The following P2RY10 variants were observed in gnomAD, a reference collection of about 807,000 sequenced individuals.
P2RY10 encodes the protein putative P2Y purinoceptor 10.
P2RY10 carries 4 observed loss-of-function variants against 12.1 expected under a neutral mutation model. That is an observed-to-expected ratio of 0.33 (90% CI 0.16 to 0.76). P2RY10 has a LOEUF of 0.76. P2RY10 is among the 30% of genes least tolerant of loss of function. The probability of loss-of-function intolerance (pLI) is 0.61; values close to 1 mark genes in which losing one functional copy is unlikely to be tolerated. For synonymous variants in P2RY10, 112 were observed against 94.1 expected, an observed-to-expected ratio of 1.19 and a Z score of -1.10; for missense variants, 233 against 264.6, an observed-to-expected ratio of 0.88 and a Z score of 0.83.
At chrX:78,957,985 T>C (rs1216486572) in intron 3 of P2RY10, among the ~76,000 whole-genome samples, 1 of 112,117 alleles carries the variant, frequency 8.9e-6, no homozygotes, top group African/African-American at 3.2e-5. Context: ...TTATGAACAA[T>C]TCTTAGTTAT....
intron 3 of P2RY10, among the ~76,000 whole-genome samples, chrX:78,957,871 A>C (rs930351487): frequency 8.9e-6 from 1 of 112,570 alleles, no homozygotes; most frequent in Non-Finnish European, 1.9e-5. Flanking sequence ...GTGTGAACAG[A>C]ACATGCCCAT....
In P2RY10 at chrX:78,961,462, C is replaced by A; in HGVS notation, c.942C>A (p.Asp314Glu). 8.3e-7 allele frequency: 1 copy of A among 1,210,517 alleles called. No homozygotes were observed. Among genetic ancestry groups the A allele is most frequent in the Non-Finnish European group, 1.1e-6 (1 of 894,738 alleles). The change falls in exon 4 of 4, where the codon GAC becomes GAA. Residue 314 changes from aspartate (D) to glutamate (E), a missense_variant. By Grantham distance (45) the Asp-to-Glu change is conservative. Coordinates refer to ENST00000171757, the MANE Select transcript of P2RY10 (RefSeq NM_014499.4). ...LYYFMASEFR[D>E]QLSRHGSSVT... ...ACTTTATGGCTTCAGAGTTTCGTGA[C>A]CAACTATCCCGCCATGGCAGTTCTG...
rs73231521 is a variant in P2RY10 at position 78,957,663 on chromosome X, A to G, written c.-13-2845A>G. ...AATGGTCACTAAGAAGATTTGGGGGAAAAAAAGCCCTTCTTACCTTCCCTT... is the reference window on the plus strand; with the variant it reads ...AATGGTCACTAAGAAGATTTGGGGGGAAAAAAGCCCTTCTTACCTTCCCTT... On this transcript the variant is annotated intron_variant, in intron 3 of 3. Coordinates refer to ENST00000171757, the MANE Select transcript of P2RY10 (RefSeq NM_014499.4). 8.4e-3 allele frequency among the ~76,000 whole-genome samples: 931 copies of G among 111,352 alleles called. 5 individuals carry two copies. Among genetic ancestry groups the G allele is most frequent in the Middle Eastern group, 0.014 (3 of 218 alleles).
rs377090188 is a variant in P2RY10, at chrX:78,961,362, G to A, written c.842G>A (p.Arg281Gln). ...ATCATTAGCAGTTGTCCCGTTGTCC[G>A]AATCGCACTGTATTTCCACCCTTTT... ...ETIISSCPVV[R>Q]IALYFHPFCL... The change falls in exon 4 of 4, where the codon CGA becomes CAA. Residue 281 changes from arginine (R) to glutamine (Q), a missense_variant. Coordinates refer to ENST00000171757, the MANE Select transcript of P2RY10 (RefSeq NM_014499.4). The A allele has an allele frequency of 5.1e-5, 62 of 1,209,190 alleles. No homozygotes were observed. The South Asian group carries it at 7.8e-4, about 15-fold the overall frequency.
intron 2 of P2RY10, among the ~76,000 whole-genome samples, chrX:78,949,874 G>GAACA (rs1249761431): frequency 1.8e-5 from 2 of 111,603 alleles, no homozygotes; most frequent in African/African-American, 6.5e-5. Context: ...GCTGAATGAA[G>GAACA]AACACCGGGG....
At chrX:78,946,542 T>A (rs1025665135) in intron 1 of P2RY10, among the ~76,000 whole-genome samples, 2 of 112,129 alleles carry the variant, frequency 1.8e-5, no homozygotes, top group African/African-American at 6.5e-5. Context: ...CCAAGAATCC[T>A]GCAAGTGAGA....
intron 3 of P2RY10, among the ~76,000 whole-genome samples, chrX:78,952,826 C>T (rs943760958): frequency 3.6e-5 from 4 of 111,608 alleles, no homozygotes; most frequent in African/African-American, 6.5e-5. Flanking sequence ...TTCTTCTCAC[C>T]TAATAATCTC....
At chrX:78,959,516 C>T (rs939345026) in intron 3 of P2RY10, among the ~76,000 whole-genome samples, 1 of 111,573 alleles carries the variant, frequency 9.0e-6, no homozygotes, top group African/African-American at 3.3e-5. Context: ...TAATATAACA[C>T]ATAATAAAAA....
intron 3 of P2RY10, among the ~76,000 whole-genome samples, chrX:78,957,207 T>C (rs1922371452): frequency 9.1e-6 from 1 of 109,373 alleles, no homozygotes; most frequent in African/African-American, 3.3e-5. Flanking sequence ...AAGCACAGAT[T>C]CAGGAATGAA....
At chrX:78,951,554 G>T (rs1019604097) in intron 2 of P2RY10, among the ~76,000 whole-genome samples, 2 of 111,178 alleles carry the variant, frequency 1.8e-5, no homozygotes, top group East Asian at 5.6e-4. Flanking sequence ...AAGAAGAGGG[G>T]AGTGAGAGTA....
chrX:78,954,444 C>A (rs946084517), intron 3 of P2RY10, among the ~76,000 whole-genome samples: 4 of 111,286 alleles, frequency 3.6e-5, no homozygotes, highest in African/African-American at 1.3e-4. Context: ...ACTTTGGAAA[C>A]CTTGGATGTT....
chrX:78,960,981 C>T lies in P2RY10; in HGVS notation c.461C>T (p.Ala154Val), dbSNP rs1283043026. 4 of 1,209,585 alleles carry T rather than the reference C, an allele frequency of 3.3e-6. No homozygotes were observed. Among genetic ancestry groups the T allele is most frequent in the South Asian group, 1.8e-5 (1 of 56,815 alleles). The change falls in exon 4 of 4, where the codon GCT (alanine) becomes GTT (valine). Residue 154 changes from alanine (A) to valine (V), a missense_variant. Ala to Val is a moderately conservative substitution (Grantham distance 64). Coordinates refer to ENST00000171757, the MANE Select transcript of P2RY10 (RefSeq NM_014499.4). ...WKRRYDVGIS[A>V]AIWIVVGTAC... ...CGTAGGTACGATGTGGGCATCAGTGCTGCCATCTGGATCGTTGTGGGGACT... is the reference window on the plus strand; with the variant it reads ...CGTAGGTACGATGTGGGCATCAGTGTTGCCATCTGGATCGTTGTGGGGACT...
rs1014877566 is a variant in P2RY10 at position 78,963,199 on chromosome X, T to C, written c.*1659T>C. 1.8e-5 allele frequency among the ~76,000 whole-genome samples: 2 copies of C among 111,970 alleles called. No individual in the cohort carries two copies. The highest frequency in any genetic ancestry group is 3.8e-5 in the Non-Finnish European group (2 of 53,199). On this transcript the variant is annotated 3_prime_UTR_variant, in exon 4 of 4. Transcript: ENST00000171757. ...GAAGGGAGGAGAAAGGAAGTAGTAG[T>C]TCTGAGAATATTCATTTGAACAGAG...
At chrX:78,946,371 C>A (rs1381761797) in intron 1 of P2RY10, among the ~76,000 whole-genome samples, 1 of 111,365 alleles carries the variant, frequency 9.0e-6, no homozygotes, top group African/African-American at 3.3e-5. Flanking sequence ...ACTCTGAATA[C>A]TAGCACCTCT....
Position 78,960,997 on chromosome X carries a change from T to G in P2RY10, c.477T>G (p.Val159=), listed in dbSNP as rs1922587115. 1.7e-6 allele frequency: 2 copies of G among 1,211,564 alleles called. No homozygotes were observed. The highest frequency in any genetic ancestry group is 5.9e-5 in the East Asian group (2 of 33,832). Residue 159 remains valine (V), a synonymous_variant, in exon 4 of 4, where the codon GTT becomes GTG. Transcript: ENST00000171757. The part of the protein sequence containing the change: ...DVGISAAIWI[V]VGTACLPFPI... ...GCATCAGTGCTGCCATCTGGATCGT[T>G]GTGGGGACTGCCTGTTTGCCATTTC...
intron 3 of P2RY10, among the ~76,000 whole-genome samples, chrX:78,957,889 G>C (rs1160552592): frequency 8.9e-6 from 1 of 112,525 alleles, no homozygotes; most frequent in Non-Finnish European, 1.9e-5. Context: ...CATTTTGTAA[G>C]TGAAACTTTC....
chrX:78,954,536 AC>A (rs749068063), intron 3 of P2RY10, among the ~76,000 whole-genome samples: 24 of 112,332 alleles, frequency 2.1e-4, no homozygotes, highest in Admixed American at 3.8e-4. Flanking sequence ...TAAAAAATTG[AC>A]TTCCAATCTT....
rs1390455168 is a variant in P2RY10, at chrX:78,961,562, A to G, written c.*22A>G. 5 of 1,104,468 alleles carry G rather than the reference A, an allele frequency of 4.5e-6. No individual in the cohort carries two copies. In the Admixed American group the frequency reaches 1.2e-4, roughly 27 times the overall value. 91.0% of individuals were successfully genotyped at this position (1,104,468 alleles called of 1,213,427 possible). A position where few individuals can be genotyped will look rare whatever the true frequency, so the allele number is the denominator to read the frequency against. On this transcript the variant is annotated 3_prime_UTR_variant, in exon 4 of 4. Coordinates refer to ENST00000171757, the MANE Select transcript of P2RY10 (RefSeq NM_014499.4). ...CTAAAATTAAGATATCTCTTTAATT[A>G]CGCCTTTGTTTACCTACGTTCCTTG...
chrX:78,959,824 T>C (rs1007157295), intron 3 of P2RY10, among the ~76,000 whole-genome samples: 7 of 112,155 alleles, frequency 6.2e-5, no homozygotes, highest in Non-Finnish European at 1.3e-4. Flanking sequence ...AAATACTCTA[T>C]TTTAGCTTCT....
Sources: allele counts gnomAD v4.1 joint callset (sites outside exome capture counted in the v4.1 genomes callset), GRCh38; gene constraint gnomAD v4.1.1; transcripts MANE v1.5; gene names NCBI Gene and HGNC (gene_info 2026-07-23, HGNC 2026-07-21).